Variants in NBEA observed in about 807,000 individuals in gnomAD.
NBEA encodes lysosomal-trafficking regulator 2.
A neutral mutation model predicts 343.4 loss-of-function variants in NBEA; 44 were observed. The observed-to-expected ratio is 0.13, with a 90% CI of 0.10 to 0.16. The LOEUF (loss-of-function observed/expected upper bound fraction) is 0.16. Ranked by LOEUF, NBEA falls within the 10% of genes least tolerant of loss-of-function variation. The pLI, the probability that NBEA is intolerant of heterozygous loss-of-function variation, is 1.00. For missense variants in NBEA, 2,555 were observed against 3,631.3 expected (o/e 0.70, Z 7.62); for synonymous variants, 1,175 against 1,238.7 (o/e 0.95, Z 1.08).
chr13:35,165,986 A>G (rs1472373121), intron 24 of NBEA, among the ~76,000 whole-genome samples: 2 of 152,016 alleles, frequency 1.3e-5, no homozygotes, highest in Middle Eastern at 3.2e-3. Context: ...CTCCCGGCCA[A>G]CGTGTTTTTT....
intron 34 of NBEA, among the ~76,000 whole-genome samples, chr13:35,288,794 A>G (rs1414351974): frequency 6.6e-6 from 1 of 152,004 alleles, no homozygotes; most frequent in African/African-American, 2.4e-5. Context: ...GAGTTTAATT[A>G]TGATCCTTTG....
intron 39 of NBEA, among the ~76,000 whole-genome samples, chr13:35,441,315 T>A (rs2045727423): frequency 6.6e-6 from 1 of 152,182 alleles, no homozygotes; most frequent in African/African-American, 2.4e-5. Context: ...CATGATTTTC[T>A]CCCTCACATT....
At chr13:35,195,749 A>AT (rs1566440989) in intron 30 of NBEA, 115 bp from the exon 31 acceptor site, 5 of 935,360 alleles carry the variant, frequency 5.3e-6, no homozygotes, top group Non-Finnish European at 6.2e-6. Context: ...CCGTTTAGCA[A>AT]TTTTTTGTTT....
chr13:35,079,848 A>T (rs1336726716), intron 10 of NBEA, among the ~76,000 whole-genome samples: 3 of 151,912 alleles, frequency 2.0e-5, no homozygotes, highest in Non-Finnish European at 2.9e-5. Context: ...TTCTCATGGG[A>T]TGTGGGCCCT....
intron 18 of NBEA, 134 bp from the exon 19 acceptor site, chr13:35,155,640 A>G (rs1287282668): frequency 1.6e-6 from 1 of 630,488 alleles, no homozygotes; most frequent in African/African-American, 1.8e-5. Context: ...GAAAGAAAAA[A>G]GTCCCTTTAG....
At chr13:35,561,879 C>T (rs1378841271) in intron 44 of NBEA, among the ~76,000 whole-genome samples, 1 of 151,960 alleles carries the variant, frequency 6.6e-6, no homozygotes, top group Non-Finnish European at 1.5e-5. Context: ...CATCTAAAAT[C>T]CCATAAATGT....
Position 35,628,382 on chromosome 13 carries a change from T to C in NBEA, c.7617+134T>C, listed in dbSNP as rs191129667. 1.4e-4 allele frequency: 97 copies of C among 676,408 alleles called. 1 individual carries two copies. In the Admixed American group the frequency reaches 3.3e-3, roughly 23 times the overall value. 41.9% of individuals were successfully genotyped at this position (676,408 alleles called of 1,614,324 possible). ...AAACAGATTTCAGGTTCTTGACATA[T>C]GTGGAAAAATTGAAAAGTCCCAAAA... On this transcript the variant is annotated intron_variant, in intron 49 of 58. Transcript: ENST00000379939.
chr13:35,215,158 G>T (rs992201838), intron 33 of NBEA, among the ~76,000 whole-genome samples: 1 of 151,146 alleles, frequency 6.6e-6, no homozygotes, highest in Non-Finnish European at 1.5e-5. Context: ...GAAGTGACTT[G>T]TCAATTCTAA....
chr13:35,344,552 AG>A (rs1280122890), intron 36 of NBEA, among the ~76,000 whole-genome samples: 1 of 152,062 alleles, frequency 6.6e-6, no homozygotes, highest in East Asian at 1.9e-4. Context: ...CAACACAAAT[AG>A]TGAACATACA....
At chr13:34,968,564 C>T (rs1051270780) in intron 1 of NBEA, among the ~76,000 whole-genome samples, 7 of 152,096 alleles carry the variant, frequency 4.6e-5, no homozygotes, top group African/African-American at 1.7e-4. Context: ...GCAGCCATTA[C>T]TGATATGTAA....
intron 30 of NBEA, 115 bp from the exon 31 acceptor site, chr13:35,195,749 A>G (rs2072546259): frequency 8.6e-6 from 8 of 935,360 alleles, no homozygotes; most frequent in Admixed American, 2.9e-5. Flanking sequence ...CCGTTTAGCA[A>G]TTTTTTGTTT....
intron 55 of NBEA, among the ~76,000 whole-genome samples, chr13:35,656,388 A>T (rs2084815465): frequency 6.6e-6 from 1 of 152,226 alleles, no homozygotes; most frequent in Non-Finnish European, 1.5e-5. Flanking sequence ...CAGTGTTTAT[A>T]CTCAAACTTT....
At chr13:34,988,106 T>G (rs1426947229) in intron 1 of NBEA, among the ~76,000 whole-genome samples, 1 of 151,000 alleles carries the variant, frequency 6.6e-6, no homozygotes, top group Non-Finnish European at 1.5e-5. Flanking sequence ...GCGTTTCTAC[T>G]CTGGTTTCTG....
chr13:35,298,792 C>T, intron 35 of NBEA, among the ~76,000 whole-genome samples: 1 of 151,934 alleles, frequency 6.6e-6, no homozygotes, highest in South Asian at 2.1e-4. Context: ...TCAGTATTTC[C>T]TAATTTTTTT....
chr13:34,977,817 A>G (rs2060230015), intron 1 of NBEA, among the ~76,000 whole-genome samples: 1 of 130,588 alleles, frequency 7.7e-6, no homozygotes, highest in Non-Finnish European at 1.8e-5. Flanking sequence ...CTTTTAATTT[A>G]AAGTTCTTTT....
At chr13:35,147,792 G>C (rs2152701408) in intron 18 of NBEA, among the ~76,000 whole-genome samples, 2 of 152,260 alleles carry the variant, frequency 1.3e-5, no homozygotes, top group South Asian at 4.1e-4. Flanking sequence ...AAAGGAAAGG[G>C]TGTGAGTATA....
chr13:35,657,601 T>C (rs2084876119), intron 55 of NBEA, among the ~76,000 whole-genome samples: 1 of 152,228 alleles, frequency 6.6e-6, no homozygotes, highest in South Asian at 2.1e-4. Flanking sequence ...TCAAGAATGG[T>C]ACATTATCAA....
At chr13:35,067,111 G>A (rs1392977394) in intron 8 of NBEA, among the ~76,000 whole-genome samples, 1 of 151,948 alleles carries the variant, frequency 6.6e-6, no homozygotes, top group African/African-American at 2.4e-5. Flanking sequence ...ATCTGTATAT[G>A]TTACGAACCC....
intron 39 of NBEA, among the ~76,000 whole-genome samples, chr13:35,433,266 G>T (rs1327572380): frequency 2.0e-5 from 3 of 152,024 alleles, no homozygotes; most frequent in Admixed American, 1.3e-4. Context: ...GTGTGATGGG[G>T]TATATCAGAA....
Sources: gnomAD v4.1 joint callset for allele counts (sites outside exome capture counted in the v4.1 genomes callset) on GRCh38, gnomAD v4.1.1 for gene constraint, MANE v1.5 for transcripts, NCBI Gene and HGNC (gene_info 2026-07-23, HGNC 2026-07-21) for gene names.